Variants in ANKRD29 observed in about 807,000 individuals in gnomAD.
The protein encoded by ANKRD29 is ankyrin repeat domain-containing protein 29.
Under a neutral mutation model 38.0 loss-of-function variants are expected in ANKRD29, and 32 were observed. That is an observed-to-expected ratio of 0.84 (90% CI 0.64 to 1.13). The LOEUF is 1.13. Ranked by LOEUF, ANKRD29 falls within the 50% of genes most tolerant of loss-of-function variation. The pLI, the probability that ANKRD29 is intolerant of heterozygous loss-of-function variation, is 0.00. For synonymous variants in ANKRD29, 135 were observed against 152.4 expected, an observed-to-expected ratio of 0.89 and a Z score of 0.84; for missense variants, 357 against 377.9, an observed-to-expected ratio of 0.94 and a Z score of 0.46.
intron 9 of ANKRD29, among the ~76,000 whole-genome samples, chr18:23,605,958 A>C (rs1247071228): frequency 1.3e-5 from 2 of 152,116 alleles, no homozygotes; most frequent in African/African-American, 2.4e-5. Flanking sequence ...AAAATTTGTA[A>C]AATAATTTAC....
chr18:23,641,905 G>A (rs546627029), intron 3 of ANKRD29, among the ~76,000 whole-genome samples: 9 of 152,180 alleles, frequency 5.9e-5, no homozygotes, highest in African/African-American at 1.2e-4. Flanking sequence ...CCCAGATATC[G>A]GGACTACCAG....
intron 8 of ANKRD29, among the ~76,000 whole-genome samples, chr18:23,613,601 ATTT>A (rs1179381510): frequency 3.5e-5 from 5 of 141,066 alleles, no homozygotes; most frequent in African/African-American, 7.8e-5. Flanking sequence ...TTACTTTACA[ATTT>A]TTTTTTTTTT....
chr18:23,633,367 A>AT (rs1194373284), intron 5 of ANKRD29, among the ~76,000 whole-genome samples: 1 of 152,146 alleles, frequency 6.6e-6, no homozygotes, highest in East Asian at 1.9e-4. Flanking sequence ...ACAACAGTAT[A>AT]TTTTTATATC....
intron 4 of ANKRD29, 126 bp from the exon 5 acceptor site, chr18:23,634,275 CCTGTTTTTTTTTT>C (rs2059973071): frequency 1.3e-5 from 7 of 538,154 alleles, no homozygotes; most frequent in Non-Finnish European, 1.9e-5. Context: ...ACTCACTTTC[CCTGTTTTTTTTTT>C]TTTTTTTTTT....
At chr18:23,630,724 C>T (rs2059920072) in intron 5 of ANKRD29, among the ~76,000 whole-genome samples, 1 of 151,454 alleles carries the variant, frequency 6.6e-6, no homozygotes, top group African/African-American at 2.4e-5. Context: ...AATGAAGAGC[C>T]AAATGTTAGA....
chr18:23,638,047 G>T (rs1443799935), intron 4 of ANKRD29, among the ~76,000 whole-genome samples: 1 of 140,162 alleles, frequency 7.1e-6, no homozygotes, highest in Non-Finnish European at 1.5e-5. Context: ...GCCCAGGCTG[G>T]AGTGCAGTAG....
At chr18:23,640,335 C>T (rs913840953) in intron 3 of ANKRD29, among the ~76,000 whole-genome samples, 4 of 152,154 alleles carry the variant, frequency 2.6e-5, no homozygotes, top group East Asian at 1.9e-4. Context: ...TCCTGATGTT[C>T]GAAGCCACCT....
chr18:23,622,087 AGGTGGGAG>A (rs2059803807), intron 6 of ANKRD29, among the ~76,000 whole-genome samples: 1 of 152,136 alleles, frequency 6.6e-6, no homozygotes, highest in Admixed American at 6.5e-5. Flanking sequence ...AAAATCAAAC[AGGTGGGAG>A]GGCTGCTGCA....
At chr18:23,606,546 A>C (rs1027509796) in intron 9 of ANKRD29, among the ~76,000 whole-genome samples, 26 of 152,118 alleles carry the variant, frequency 1.7e-4, no homozygotes, top group Non-Finnish European at 3.5e-4. Flanking sequence ...TCCAGGCTCA[A>C]GTGATCCTCC....
chr18:23,645,738 TC>T (rs2060130743), intron 3 of ANKRD29, among the ~76,000 whole-genome samples: 1 of 152,192 alleles, frequency 6.6e-6, no homozygotes, highest in Non-Finnish European at 1.5e-5. Flanking sequence ...CTTATTTAAT[TC>T]ATGGCCAGTT....
At chr18:23,662,616 C>CCCCCCCAA in intron 1 of ANKRD29, 94 bp downstream of exon 1, 11 of 396,320 alleles carry the variant, frequency 2.8e-5, no homozygotes, top group East Asian at 8.9e-5. Flanking sequence ...GGGCAGCGCC[C>CCCCCCCAA]ACCCCATCCC....
At chr18:23,624,667 T>C (rs528423873) in intron 6 of ANKRD29, among the ~76,000 whole-genome samples, 3 of 151,998 alleles carry the variant, frequency 2.0e-5, no homozygotes, top group South Asian at 2.1e-4. Context: ...TTGGGGTCAA[T>C]GTATAAAAGT....
intron 5 of ANKRD29, among the ~76,000 whole-genome samples, chr18:23,632,843 C>T (rs2059951395): frequency 6.6e-6 from 1 of 151,998 alleles, no homozygotes; most frequent in South Asian, 2.1e-4. Flanking sequence ...TTTTGAAGTG[C>T]AGAGGGTGAG....
At chr18:23,656,817 C>A (rs557291672) in intron 1 of ANKRD29, among the ~76,000 whole-genome samples, 5 of 152,294 alleles carry the variant, frequency 3.3e-5, no homozygotes, top group African/African-American at 1.2e-4. Flanking sequence ...GTTGCTAATG[C>A]AAATCTCAGA....
At position 23,599,978 on chromosome 18, in the gene ANKRD29, C is replaced by T. The variant is rs2059493200; in HGVS notation, c.*1248G>A. 6.6e-6 allele frequency: 1 copy of T among 152,072 alleles called. No homozygotes were observed. The highest frequency in any genetic ancestry group is 1.5e-5 in the Non-Finnish European group (1 of 68,018). The allele number at this position is 152,072 out of a possible 1,614,324, so 9.4% of individuals were successfully genotyped here. On this transcript the variant is annotated 3_prime_UTR_variant, in exon 10 of 10. Coordinates refer to ENST00000592179, the MANE Select transcript of ANKRD29 (RefSeq NM_173505.4). ...CTTTACATAGACACTGACTGAAAACCAGAGCAGAACATGAAGAAATAAGCT... is the reference window on the plus strand; with the variant it reads ...CTTTACATAGACACTGACTGAAAACTAGAGCAGAACATGAAGAAATAAGCT...
intron 1 of ANKRD29, among the ~76,000 whole-genome samples, chr18:23,652,007 G>C (rs185545290): frequency 5.3e-4 from 80 of 152,296 alleles, no homozygotes; most frequent in African/African-American, 1.9e-3. Context: ...TGATCTTGGT[G>C]CCAATTCTTG....
In ANKRD29 at chr18:23,649,190, C is replaced by T; in HGVS notation, c.25G>A (p.Glu9Lys). The change falls in exon 2 of 10, where the codon GAA (glutamate) becomes AAA (lysine). Residue 9 changes from glutamate (E) to lysine (K), a missense_variant. Glu to Lys is a moderately conservative substitution (Grantham distance 56). Coordinates refer to ENST00000592179, the MANE Select transcript of ANKRD29 (RefSeq NM_173505.4). ...AATGCAGCATTGGCAAGTGGAGTTT[C>T]CTTCTGCAAGAACAAAATGAAACAG... MCRMSFKK[E>K]TPLANAAFWA... 1 of 1,612,352 alleles carries T rather than the reference C, an allele frequency of 6.2e-7. No individual in the cohort carries two copies. The highest frequency in any genetic ancestry group is 8.5e-7 in the Non-Finnish European group (1 of 1,179,180).
At chr18:23,621,851 C>A (rs937500086) in intron 6 of ANKRD29, among the ~76,000 whole-genome samples, 3 of 151,224 alleles carry the variant, frequency 2.0e-5, no homozygotes, top group African/African-American at 7.3e-5. Flanking sequence ...ATTTTTTTTT[C>A]TTTTTTTCTT....
At chr18:23,648,624 G>T in intron 2 of ANKRD29, 1 of 333,074 alleles carries the variant, frequency 3.0e-6, no homozygotes, top group Non-Finnish European at 5.4e-6. Flanking sequence ...GCCAATTAGT[G>T]TATTTATGTT....
Sources: gnomAD v4.1 joint callset for allele counts (sites outside exome capture counted in the v4.1 genomes callset) on GRCh38, gnomAD v4.1.1 for gene constraint, MANE v1.5 for transcripts, NCBI Gene and HGNC (gene_info 2026-07-23, HGNC 2026-07-21) for gene names.